The following VPS50 variants were observed in gnomAD, a reference collection of about 807,000 sequenced individuals.
VPS50 encodes VPS50 subunit of EARP/GARPII complex.
VPS50 carries 70 observed loss-of-function variants against 139.7 expected under a neutral mutation model. That is an observed-to-expected ratio of 0.50 (90% CI 0.41 to 0.61). The LOEUF is 0.61. Among genes scored for constraint, VPS50 ranks in the 20% least tolerant of loss-of-function variants. VPS50 has a pLI of 0.00. For missense variants in VPS50, 921 were observed against 1,133.7 expected (o/e 0.81, Z 2.69); for synonymous variants, 365 against 376.7 (o/e 0.97, Z 0.36).
intron 21 of VPS50, among the ~76,000 whole-genome samples, chr7:93,330,769 A>AAAC (rs1414276898): frequency 3.6e-4 from 54 of 151,180 alleles, no homozygotes; most frequent in South Asian, 1.3e-3. Context: ...CTCAAAAAAA[A>AAAC]AAAAAAAAAA....
In VPS50 at chr7:93,358,600, G is replaced by T; in HGVS notation, c.*164G>T. 1.7e-6 allele frequency: 1 copy of T among 605,508 alleles called. No homozygotes were observed. Among genetic ancestry groups the T allele is most frequent in the Non-Finnish European group, 2.9e-6 (1 of 342,634 alleles). 37.5% of individuals were successfully genotyped at this position (605,508 alleles called of 1,614,324 possible). ...ATTGAAATGTGTGTGGTGTTCTCATGACTTTTATATGCTGTGGTCTCTTCA... is the reference window on the plus strand; with the variant it reads ...ATTGAAATGTGTGTGGTGTTCTCATTACTTTTATATGCTGTGGTCTCTTCA... On this transcript the variant is annotated 3_prime_UTR_variant, in exon 28 of 28. Coordinates refer to ENST00000305866, the MANE Select transcript of VPS50 (RefSeq NM_017667.4).
At chr7:93,336,355 ATTTG>A (rs1454147606) in intron 22 of VPS50, among the ~76,000 whole-genome samples, 16 of 152,296 alleles carry the variant, frequency 1.1e-4, no homozygotes, top group African/African-American at 2.9e-4. Context: ...AACTAAGAAA[ATTTG>A]TTTGTCACAT....
chr7:93,243,395 C>T (rs1050777063), intron 2 of VPS50, among the ~76,000 whole-genome samples: 1 of 151,858 alleles, frequency 6.6e-6, no homozygotes, highest in African/African-American at 2.4e-5. Context: ...TAGAGATTCC[C>T]TGGTAATTCC....
chr7:93,265,024 C>G (rs984508506), intron 9 of VPS50, among the ~76,000 whole-genome samples: 40 of 152,194 alleles, frequency 2.6e-4, no homozygotes, highest in Non-Finnish European at 1.5e-4. Context: ...TTTCACATGA[C>G]AAAAATCCTA....
chr7:93,311,307 G>A (rs754543150), intron 20 of VPS50, 35 bp downstream of exon 20: 2 of 856,990 alleles, frequency 2.3e-6, no homozygotes, highest in Admixed American at 3.7e-5. Context: ...AATTATAACA[G>A]TTAAATTAGT....
intron 12 of VPS50, among the ~76,000 whole-genome samples, chr7:93,289,119 A>G (rs943479224): frequency 6.6e-6 from 1 of 152,122 alleles, no homozygotes; most frequent in Non-Finnish European, 1.5e-5. Flanking sequence ...GTGGTTAAGA[A>G]GATAGCTCAG....
chr7:93,243,673 T>C (rs1446498603), intron 2 of VPS50, among the ~76,000 whole-genome samples: 1 of 151,956 alleles, frequency 6.6e-6, no homozygotes, highest in East Asian at 1.9e-4. Flanking sequence ...ATGAAAGGTA[T>C]TTTACTTAAT....
At chr7:93,324,544 A>G (rs190404167) in intron 21 of VPS50, among the ~76,000 whole-genome samples, 172 of 152,302 alleles carry the variant, frequency 1.1e-3, no homozygotes, top group Non-Finnish European at 2.0e-3. Flanking sequence ...TATTGAGATA[A>G]TCGTGGTTTT....
At chr7:93,339,125 T>A (rs1204703692) in intron 22 of VPS50, among the ~76,000 whole-genome samples, 1 of 152,122 alleles carries the variant, frequency 6.6e-6, no homozygotes, top group Non-Finnish European at 1.5e-5. Flanking sequence ...TGAATTTTTA[T>A]TCTCCTTTTT....
chr7:93,271,710 AG>A (rs1389781210), intron 10 of VPS50, among the ~76,000 whole-genome samples: 1 of 151,798 alleles, frequency 6.6e-6, no homozygotes, highest in Non-Finnish European at 1.5e-5. Flanking sequence ...GAAACTAAAA[AG>A]GAAGAGATAT....
chr7:93,247,768 G>A (rs1795199469), intron 2 of VPS50, among the ~76,000 whole-genome samples: 1 of 151,942 alleles, frequency 6.6e-6, no homozygotes, highest in South Asian at 2.1e-4. Flanking sequence ...AATGAAATTT[G>A]TTTTTTAGGG....
At chr7:93,294,208 A>G (rs1472212171) in intron 13 of VPS50, among the ~76,000 whole-genome samples, 2 of 152,006 alleles carry the variant, frequency 1.3e-5, no homozygotes, top group Non-Finnish European at 2.9e-5. Context: ...TGGTCCTGTA[A>G]TGCCCTTCTC....
At position 93,232,417 on chromosome 7, in the gene VPS50, G is replaced by T; in HGVS notation, c.-51G>T. 2.7e-6 allele frequency: 4 copies of T among 1,504,622 alleles called. No homozygotes were observed. Among genetic ancestry groups the T allele is most frequent in the South Asian group, 1.2e-5 (1 of 86,332 alleles). The allele number at this position is 1,504,622 out of a possible 1,614,324, so 93.2% of individuals were successfully genotyped here. A position where few individuals can be genotyped will look rare whatever the true frequency, so the allele number is the denominator to read the frequency against. ...GTCAGGGCCAGCTGTGTAGTGGCTCGGTGTGATTTGTTAGCTCTTTGAGGC... is the reference window on the plus strand; with the variant it reads ...GTCAGGGCCAGCTGTGTAGTGGCTCTGTGTGATTTGTTAGCTCTTTGAGGC... On this transcript the variant is annotated 5_prime_UTR_variant, in exon 1 of 28. Coordinates refer to ENST00000305866, the MANE Select transcript of VPS50 (RefSeq NM_017667.4).
chr7:93,349,898 A>T lies in VPS50; in HGVS notation c.2328A>T (p.Leu776=). ...AGACAGTCTCAACCGCCAGTGAACT[A>T]CGGAAACCAATTTACTGGATTGTAG... ...YSQTVSTASE[L]RKPIYWIVAG... Residue 776 remains leucine, a synonymous_variant, in exon 25 of 28, where the codon CTA becomes CTT. Coordinates refer to ENST00000305866, the MANE Select transcript of VPS50 (RefSeq NM_017667.4). The T allele has an allele frequency of 6.2e-7, 1 of 1,613,190 alleles. No individual in the cohort carries two copies. The highest frequency in any genetic ancestry group is 1.1e-5 in the South Asian group (1 of 90,816).
At chr7:93,334,034 C>T (rs1384837272) in intron 21 of VPS50, 83 bp from the exon 22 acceptor site, 3 of 815,844 alleles carry the variant, frequency 3.7e-6, no homozygotes, top group Non-Finnish European at 6.3e-6. Flanking sequence ...AGTGAAAACT[C>T]ATCAAATATC....
chr7:93,245,918 T>G (rs1193242135), intron 2 of VPS50, among the ~76,000 whole-genome samples: 1 of 151,886 alleles, frequency 6.6e-6, no homozygotes, highest in Non-Finnish European at 1.5e-5. Context: ...GGTTTTAGGG[T>G]ATCTGTGATC....
At position 93,278,336 on chromosome 7, in the gene VPS50, G is replaced by T. The variant is rs539977107; in HGVS notation, c.942+2031G>T. The stretch of plus-strand genomic sequence containing the variant: ...AGCTGACTGTAGGCTGGGCATGGTG[G>T]CTTATGCCTGTAATCCCAGCACTTT... On this transcript the variant is annotated intron_variant, in intron 12 of 27. Coordinates refer to ENST00000305866, the MANE Select transcript of VPS50 (RefSeq NM_017667.4). Among the ~76,000 whole-genome samples, 3 of 152,086 alleles carry T rather than the reference G, an allele frequency of 2.0e-5. No individual in the cohort carries two copies. The South Asian group carries it at 6.2e-4, about 32-fold the overall frequency.
Position 93,353,746 on chromosome 7 carries a change from G to A in VPS50, c.2570G>A (p.Arg857Gln), listed in dbSNP as rs867866841. Reference sequence around the variant, plus strand: ...GAACATTGTATACGATTGGCTAATCGAACTATTGTAGAAGGGTAAGTTTTT... The same window carrying A: ...GAACATTGTATACGATTGGCTAATCAAACTATTGTAGAAGGGTAAGTTTTT... Reference protein sequence around the residue: ...LWEHCIRLANRTIVEGYANVK... With the variant: ...LWEHCIRLANQTIVEGYANVK... The change falls in exon 26 of 28, where the codon CGA becomes CAA. Residue 857 changes from arginine (R) to glutamine (Q), a missense_variant. Arg to Gln is a conservative substitution (Grantham distance 43, BLOSUM62 1). Around this residue, in one of 3 missense-constraint regions of VPS50, gnomAD observed 158 missense variants for 156.3 expected, o/e 1.01. Transcript: ENST00000305866. The A allele has an allele frequency of 1.4e-5, 22 of 1,607,646 alleles. No homozygotes were observed. The highest frequency in any genetic ancestry group is 2.2e-5 in the East Asian group (1 of 44,744).
rs938094354 is a variant in VPS50, at chr7:93,359,284, A to G, written c.*848A>G. 2.0e-5 allele frequency: 3 copies of G among 152,132 alleles called. No individual in the cohort carries two copies. The highest frequency in any genetic ancestry group is 7.2e-5 in the African/African-American group (3 of 41,434). The allele number at this position is 152,132 out of a possible 1,614,324, so 9.4% of individuals were successfully genotyped here. A position where few individuals can be genotyped will look rare whatever the true frequency, so the allele number is the denominator to read the frequency against. On this transcript the variant is annotated 3_prime_UTR_variant, in exon 28 of 28. Transcript: ENST00000305866. ...TTAAATTCAGATTTTGTCTTAGGAC[A>G]GTAAAACCCAGGTTGACTGACTCAG...
Sources: allele counts gnomAD v4.1 joint callset (sites outside exome capture counted in the v4.1 genomes callset), GRCh38; gene constraint gnomAD v4.1.1; regional missense constraint gnomAD v4.1.1; transcripts MANE v1.5; gene names NCBI Gene and HGNC (gene_info 2026-07-23, HGNC 2026-07-21).